COMMD7: variants seen among roughly 807,000 people sequenced by gnomAD.
COMMD7 encodes the protein COMM domain containing 7.
COMMD7 carries 28 observed loss-of-function variants against 34.8 expected under a neutral mutation model. The observed-to-expected ratio is 0.80, with a 90% CI of 0.60 to 1.10. COMMD7 has a LOEUF of 1.10. Ranked by LOEUF, COMMD7 falls within the 50% of genes least tolerant of loss-of-function variation. The pLI is 0.00. For missense variants in COMMD7, 211 were observed against 241.6 expected (o/e 0.87, Z 0.84); for synonymous variants, 80 against 86.4 (o/e 0.93, Z 0.41).
At chr20:32,705,633 A>G (rs1294653626) in intron 5 of COMMD7, among the ~76,000 whole-genome samples, 1 of 152,082 alleles carries the variant, frequency 6.6e-6, no homozygotes, top group Non-Finnish European at 1.5e-5. Flanking sequence ...TTGGCCTCCC[A>G]AAGTGTTGGG....
chr20:32,715,627 C>G (rs563338634), intron 3 of COMMD7, among the ~76,000 whole-genome samples: 1 of 150,934 alleles, frequency 6.6e-6, no homozygotes, highest in African/African-American at 2.4e-5. Context: ...GGAAACATGG[C>G]GAAACCCTGT....
intron 3 of COMMD7, among the ~76,000 whole-genome samples, chr20:32,722,846 C>T (rs1191463848): frequency 2.0e-5 from 3 of 150,498 alleles, no homozygotes; most frequent in Admixed American, 6.7e-5. Flanking sequence ...ACGGTGAAAC[C>T]CCATCTCTAC....
intron 1 of COMMD7, among the ~76,000 whole-genome samples, chr20:32,738,099 G>T (rs1986245626): frequency 6.6e-6 from 1 of 152,000 alleles, no homozygotes; most frequent in Non-Finnish European, 1.5e-5. Flanking sequence ...TAAATTCCTG[G>T]CTCCATCACT....
At chr20:32,704,996 C>T in intron 5 of COMMD7, 92 bp from the exon 6 acceptor site, 9 of 910,728 alleles carry the variant, frequency 9.9e-6, no homozygotes, top group South Asian at 5.7e-5. Flanking sequence ...AGCATTGACA[C>T]AGATAGTGGG....
chr20:32,727,347 G>A (rs1007721611), intron 3 of COMMD7, among the ~76,000 whole-genome samples: 2 of 151,704 alleles, frequency 1.3e-5, no homozygotes, highest in African/African-American at 2.4e-5. Flanking sequence ...AAGGGATCAT[G>A]ACCATCTTGG....
intron 3 of COMMD7, among the ~76,000 whole-genome samples, chr20:32,715,457 T>C (rs1984723292): frequency 6.7e-6 from 1 of 149,914 alleles, no homozygotes; most frequent in Non-Finnish European, 1.5e-5. Flanking sequence ...CACTCCAGCC[T>C]GGGCAACACA....
chr20:32,713,129 A>C (rs1362627005), intron 3 of COMMD7, among the ~76,000 whole-genome samples: 3 of 148,516 alleles, frequency 2.0e-5, no homozygotes, highest in Non-Finnish European at 3.0e-5. Flanking sequence ...GCTCACTGCA[A>C]CCTCCGCCTC....
At chr20:32,709,493 G>A (rs781419323) in intron 3 of COMMD7, among the ~76,000 whole-genome samples, 2 of 151,794 alleles carry the variant, frequency 1.3e-5, no homozygotes, top group Non-Finnish European at 2.9e-5. Context: ...GGAGGTTGCC[G>A]TGAGCCGAGA....
chr20:32,731,132 G>A (rs1215797359), intron 1 of COMMD7, among the ~76,000 whole-genome samples: 1 of 152,054 alleles, frequency 6.6e-6, no homozygotes, highest in Non-Finnish European at 1.5e-5. Context: ...AGGAGTTCGA[G>A]ACCAGCTTGG....
chr20:32,703,673 T>C (rs1600958539), intron 8 of COMMD7: 1 of 1,435,844 alleles, frequency 7.0e-7, no homozygotes. Flanking sequence ...AGTGTTCAAA[T>C]GGCACAGCTC....
At chr20:32,717,459 G>C (rs563038773) in intron 3 of COMMD7, among the ~76,000 whole-genome samples, 1 of 152,102 alleles carries the variant, frequency 6.6e-6, no homozygotes, top group African/African-American at 2.4e-5. Context: ...CCAAGTAGCT[G>C]GGATTACAGG....
At chr20:32,735,403 C>T (rs57075486) in intron 1 of COMMD7, among the ~76,000 whole-genome samples, 10 of 151,470 alleles carry the variant, frequency 6.6e-5, no homozygotes, top group Middle Eastern at 3.2e-3. Context: ...CTGCAACCTC[C>T]GCCTCCTGGG....
intron 3 of COMMD7, among the ~76,000 whole-genome samples, chr20:32,711,611 A>G (rs1347257954): frequency 1.3e-5 from 2 of 152,088 alleles, no homozygotes; most frequent in African/African-American, 4.8e-5. Context: ...ACAAAGCTGC[A>G]GGGATGGAAG....
chr20:32,706,446 G>A, intron 5 of COMMD7, 137 bp downstream of exon 5: 2 of 667,926 alleles, frequency 3.0e-6, no homozygotes, highest in Non-Finnish European at 5.2e-6. Flanking sequence ...CCGAGAGGCA[G>A]AGGTTGTGGT....
intron 1 of COMMD7, among the ~76,000 whole-genome samples, chr20:32,740,008 C>T (rs1263501774): frequency 3.5e-5 from 5 of 141,642 alleles, no homozygotes; most frequent in Admixed American, 6.9e-5. Context: ...GGCAACAAAG[C>T]GAGACTGTCT....
At chr20:32,728,252 G>T in intron 1 of COMMD7, 110 bp from the exon 2 acceptor site, 6 of 933,838 alleles carry the variant, frequency 6.4e-6, no homozygotes, top group Non-Finnish European at 1.0e-5. Context: ...ACAGCCAGGT[G>T]TTATGCCTGT....
At position 32,720,885 on chromosome 20, in the gene COMMD7, C is replaced by G. The variant is rs1012391893; in HGVS notation, c.241+7008G>C. 4.6e-5 allele frequency among the ~76,000 whole-genome samples: 7 copies of G among 152,196 alleles called. No homozygotes were observed. The East Asian group carries it at 1.2e-3, about 25-fold the overall frequency. On this transcript the variant is annotated intron_variant, in intron 3 of 8. Coordinates refer to ENST00000278980, the MANE Select transcript of COMMD7 (RefSeq NM_053041.3). ...TTCTATTCAATTCGCTCTGCACGTA[C>G]TGAGCACCTGCTTTATGCCATTACC...
intron 3 of COMMD7, among the ~76,000 whole-genome samples, chr20:32,720,737 T>G (rs1350107750): frequency 3.3e-5 from 5 of 152,150 alleles, no homozygotes; most frequent in Non-Finnish European, 7.3e-5. Context: ...GCCCTGGAGT[T>G]GGAGGTTGCA....
At chr20:32,712,265 G>GCT (rs1984498430) in intron 3 of COMMD7, among the ~76,000 whole-genome samples, 1 of 32,278 alleles carries the variant, frequency 3.1e-5, no homozygotes. Flanking sequence ...GCAAGACTCC[G>GCT]TCTCAAAAAA....
Sources: allele counts gnomAD v4.1 joint callset (sites outside exome capture counted in the v4.1 genomes callset), GRCh38; gene constraint gnomAD v4.1.1; transcripts MANE v1.5; gene names NCBI Gene and HGNC (gene_info 2026-07-23, HGNC 2026-07-21).